API5: variants seen among roughly 807,000 people sequenced by gnomAD.
API5 encodes the protein apoptosis inhibitor 5, also known as FIF.
API5 carries 6 observed loss-of-function variants against 71.9 expected under a neutral mutation model. The ratio of observed to expected loss-of-function variants is 0.08; its 90% CI spans 0.05 to 0.16. The LOEUF is 0.16. API5 is among the 10% of genes least tolerant of loss of function. The pLI is 1.00. For missense variants in API5, 332 were observed against 612.8 expected, an observed-to-expected ratio of 0.54 and a Z score of 4.84; for synonymous variants, 189 against 221.3, an observed-to-expected ratio of 0.85 and a Z score of 1.30.
At chr11:43,324,200 T>C (rs1854992466) in intron 6 of API5, among the ~76,000 whole-genome samples, 1 of 152,156 alleles carries the variant, frequency 6.6e-6, no homozygotes, top group Non-Finnish European at 1.5e-5. Context: ...GTGTTTTTTG[T>C]AGAGACGGGG....
chr11:43,322,677 C>G (rs935786696), intron 5 of API5, among the ~76,000 whole-genome samples: 4 of 152,128 alleles, frequency 2.6e-5, no homozygotes, highest in Admixed American at 1.3e-4. Context: ...GAATAGTTTA[C>G]TTTTTTAATA....
chr11:43,320,966 A>G, intron 3 of API5, 52 bp downstream of exon 3: 1 of 1,459,970 alleles, frequency 6.8e-7, no homozygotes. Context: ...TTCTTTCTGA[A>G]ATGTTGACTC....
At chr11:43,335,126 G>A (rs1855387868) in intron 11 of API5, 152 bp from the exon 12 acceptor site, 5 of 638,536 alleles carry the variant, frequency 7.8e-6, no homozygotes, top group South Asian at 6.9e-5. Context: ...CATGTGATTT[G>A]TAAACAAAAT....
chr11:43,340,275 T>C (rs1855569071), intron 13 of API5: 3 of 309,344 alleles, frequency 9.7e-6, no homozygotes, highest in African/African-American at 2.3e-5. Context: ...ATGAAAGAAA[T>C]TGAAGGAGAT....
rs1286234671 is a variant in API5 at position 43,323,474 on chromosome 11, G to A, written c.588G>A (p.Lys196=). The change falls in exon 6 of 14, where the codon AAG becomes AAA. Residue 196 remains lysine, a synonymous_variant. Transcript: ENST00000531273. ...GTGAAGAATTTGTTCTATTTATGAA[G>A]ATACTGTCTGGGTTAAAAAGCTTAC... is the stretch of plus-strand genomic sequence containing the variant. ...VTGEEFVLFM[K]ILSGLKSLQT... is the part of the protein sequence containing the mutation. 1 of 1,614,106 alleles carries A rather than the reference G, an allele frequency of 6.2e-7. No individual in the cohort carries two copies. Among genetic ancestry groups the A allele is most frequent in the Non-Finnish European group, 8.5e-7 (1 of 1,180,004 alleles).
rs148630184 is a variant in API5 at position 43,323,103 on chromosome 11, A to T, written c.544-327A>T. 1.6e-4 allele frequency among the ~76,000 whole-genome samples: 24 copies of T among 147,868 alleles called. No individual in the cohort carries two copies. The South Asian group carries it at 5.1e-3, about 32-fold the overall frequency. On this transcript the variant is annotated intron_variant, in intron 5 of 13. Coordinates refer to ENST00000531273, the MANE Select transcript of API5 (RefSeq NM_001142930.2). ...CTCCCCTAAATAGCCAATTTTTTTAATTTTTTTTTTTTCTTAACTGCTCTC... is the reference window on the plus strand; with the variant it reads ...CTCCCCTAAATAGCCAATTTTTTTATTTTTTTTTTTTTCTTAACTGCTCTC...
chr11:43,312,442 G>T (rs1014215519), intron 1 of API5, among the ~76,000 whole-genome samples: 13 of 151,898 alleles, frequency 8.6e-5, no homozygotes, highest in African/African-American at 2.9e-4. Flanking sequence ...TCTCACCGTG[G>T]CGTAACCTAA....
At position 43,323,598 on chromosome 11, in the gene API5, C is replaced by G; in HGVS notation, c.712C>G (p.Leu238Val). The G allele has an allele frequency of 6.2e-7, 1 of 1,614,016 alleles. No homozygotes were observed. The highest frequency in any genetic ancestry group is 1.3e-5 in the African/African-American group (1 of 75,036). ...CTCGGATCCTGACTGTGTGGACAGG[C>G]TCTTACAGTGCACTCGGCAGGCAGT... ...NPSDPDCVDR[L>V]LQCTRQAVPL... Residue 238 changes from leucine (L) to valine (V), a missense_variant, in exon 6 of 14, where the codon CTC (leucine) becomes GTC (valine). Leu to Val is a conservative substitution (Grantham distance 32). This residue lies in a region of API5 where 168 missense variants were observed against 343.9 expected (regional missense o/e 0.49). Coordinates refer to ENST00000531273, the MANE Select transcript of API5 (RefSeq NM_001142930.2).
chr11:43,319,103 GA>G, intron 2 of API5: 1 of 281,398 alleles, frequency 3.6e-6, no homozygotes, highest in Non-Finnish European at 6.6e-6. Flanking sequence ...TTGTGCATAT[GA>G]AATTAGACTG....
At chr11:43,336,617 A>G (rs757280549) in intron 13 of API5, among the ~76,000 whole-genome samples, 4 of 152,220 alleles carry the variant, frequency 2.6e-5, no homozygotes, top group African/African-American at 4.8e-5. Context: ...TGTCGAATCA[A>G]AAGTAAAGTT....
intron 7 of API5, 106 bp from the exon 8 acceptor site, chr11:43,327,683 T>C (rs1355066637): frequency 7.7e-6 from 6 of 782,808 alleles, no homozygotes; most frequent in Non-Finnish European, 9.9e-6. Flanking sequence ...TATGATTCTG[T>C]GAAAACATAA....
chr11:43,340,839 C>T (rs1855586768), intron 13 of API5, among the ~76,000 whole-genome samples: 1 of 151,998 alleles, frequency 6.6e-6, no homozygotes, highest in Admixed American at 6.6e-5. Flanking sequence ...AATAAAACTA[C>T]CATAAGAGAA....
At chr11:43,336,079 A>G (rs1855424597) in intron 13 of API5, 85 bp downstream of exon 13, 1 of 1,508,694 alleles carries the variant, frequency 6.6e-7, no homozygotes, top group Non-Finnish European at 9.0e-7. Context: ...AATTATATAC[A>G]GTGTCATGGT....
At chr11:43,330,150 C>A in intron 10 of API5, 92 bp downstream of exon 10, 3 of 988,790 alleles carry the variant, frequency 3.0e-6, no homozygotes, top group South Asian at 1.5e-5. Context: ...CCTTATCTCA[C>A]CTAATTTAAC....
At chr11:43,318,461 G>A (rs1432790088) in intron 1 of API5, 179 bp from the exon 2 acceptor site, 6 of 1,535,560 alleles carry the variant, frequency 3.9e-6, no homozygotes, top group Non-Finnish European at 4.4e-6. Flanking sequence ...AACAAAGATG[G>A]AGGGAGAACG....
Position 43,313,679 on chromosome 11 carries a change from T to C in API5, c.69+1483T>C, listed in dbSNP as rs1309007046. On this transcript the variant is annotated intron_variant, in intron 1 of 13. Transcript: ENST00000531273. ...ATAGCAAATGATTTTTTTTCCTTCA[T>C]TCCCTGTCAGTAGGGAATTTCACTT... is the stretch of plus-strand genomic sequence containing the variant. 2.0e-5 allele frequency among the ~76,000 whole-genome samples: 3 copies of C among 152,208 alleles called. No individual in the cohort carries two copies. The East Asian group carries it at 5.8e-4, about 29-fold the overall frequency.
chr11:43,313,223 G>T (rs777328320), intron 1 of API5, among the ~76,000 whole-genome samples: 8 of 152,104 alleles, frequency 5.3e-5, no homozygotes, highest in Non-Finnish European at 7.4e-5. Context: ...GAATGGAGTT[G>T]TCTGGAAGAG....
At chr11:43,317,536 C>T (rs1854713260) in intron 1 of API5, among the ~76,000 whole-genome samples, 1 of 152,192 alleles carries the variant, frequency 6.6e-6, no homozygotes, top group South Asian at 2.1e-4. Context: ...AATTAAACTG[C>T]ACTTCCTAAC....
At chr11:43,314,346 C>T (rs529295800) in intron 1 of API5, among the ~76,000 whole-genome samples, 1 of 152,290 alleles carries the variant, frequency 6.6e-6, no homozygotes, top group South Asian at 2.1e-4. Context: ...ATACATAATG[C>T]TGTCCATCCC....
Sources: gnomAD v4.1 joint callset for allele counts (sites outside exome capture counted in the v4.1 genomes callset) on GRCh38, gnomAD v4.1.1 for gene constraint, gnomAD v4.1.1 regional missense constraint, MANE v1.5 for transcripts, NCBI Gene and HGNC (gene_info 2026-07-23, HGNC 2026-07-21) for gene names.